The following PARD3B variants were observed in gnomAD, a reference collection of about 807,000 sequenced individuals.
The protein encoded by PARD3B is partitioning defective 3 homolog B.
PARD3B carries 103 observed loss-of-function variants against 130.2 expected under a neutral mutation model. The observed-to-expected ratio is 0.79, with a 90% CI of 0.67 to 0.93. PARD3B has a LOEUF of 0.93. Ranked by LOEUF, PARD3B falls within the 40% of genes least tolerant of loss-of-function variation. The probability of loss-of-function intolerance (pLI) is 0.00; values close to 1 mark genes in which losing one functional copy is unlikely to be tolerated. For synonymous variants in PARD3B, 583 were observed against 553.2 expected, an observed-to-expected ratio of 1.05 and a Z score of -0.76; for missense variants, 1,609 against 1,499.2, an observed-to-expected ratio of 1.07 and a Z score of -1.21.
chr2:205,165,563 CA>C (rs1364477235), intron 11 of PARD3B, among the ~76,000 whole-genome samples: 2 of 149,868 alleles, frequency 1.3e-5, no homozygotes, highest in African/African-American at 5.1e-5. Context: ...GCTAAAAATA[CA>C]AAAACTAGCC....
chr2:205,454,120 C>T (rs1366056044), intron 20 of PARD3B, among the ~76,000 whole-genome samples: 3 of 152,126 alleles, frequency 2.0e-5, no homozygotes, highest in African/African-American at 7.2e-5. Context: ...GGGCTTTGAC[C>T]TACTTCTCTG....
intron 22 of PARD3B, among the ~76,000 whole-genome samples, chr2:205,556,142 TCA>T (rs2052874149): frequency 6.6e-6 from 1 of 152,162 alleles, no homozygotes; most frequent in Non-Finnish European, 1.5e-5. Context: ...TCCCTCTTCA[TCA>T]CAGAGGCCGG....
intron 3 of PARD3B, among the ~76,000 whole-genome samples, chr2:204,994,385 C>T (rs1226153733): frequency 1.4e-3 from 154 of 108,346 alleles, no homozygotes; most frequent in African/African-American, 4.9e-3. Context: ...TGTAGTTGAG[C>T]GGCTTTGAGT....
chr2:205,252,853 C>CAAA (rs770957813), intron 16 of PARD3B, among the ~76,000 whole-genome samples: 1,527 of 80,404 alleles, frequency 0.019, 54 homozygotes, highest in Non-Finnish European at 0.028. Context: ...CCCCCCCCAC[C>CAAA]AAAAAAAAAA....
At chr2:205,436,982 G>A (rs748445949) in intron 19 of PARD3B, among the ~76,000 whole-genome samples, 5 of 151,960 alleles carry the variant, frequency 3.3e-5, no homozygotes, top group Admixed American at 6.6e-5. Context: ...CCATTCTGAA[G>A]CTGGATCCCC....
intron 15 of PARD3B, among the ~76,000 whole-genome samples, chr2:205,195,554 G>A (rs562222491): frequency 1.2e-4 from 19 of 152,244 alleles, no homozygotes; most frequent in South Asian, 2.1e-4. Context: ...AGGTGATACC[G>A]CAATGGTAAA....
At position 205,552,488 on chromosome 2, in the gene PARD3B, A is replaced by G. The variant is rs574392095; in HGVS notation, c.3181-836A>G. 5.3e-5 allele frequency among the ~76,000 whole-genome samples: 8 copies of G among 152,278 alleles called. No individual in the cohort carries two copies. In the South Asian group the frequency reaches 1.7e-3, roughly 32 times the overall value. On this transcript the variant is annotated intron_variant, in intron 21 of 22. Coordinates refer to ENST00000406610, the MANE Select transcript of PARD3B (RefSeq NM_001302769.2). ...CAGTGGCGTGATGTGGGCTCACTGCAACCTCTGCCTCCCGGGTTCAAGTGA... is the reference window on the plus strand; with the variant it reads ...CAGTGGCGTGATGTGGGCTCACTGCGACCTCTGCCTCCCGGGTTCAAGTGA...
chr2:205,094,826 C>T (rs191340393), intron 4 of PARD3B, among the ~76,000 whole-genome samples: 2 of 152,146 alleles, frequency 1.3e-5, no homozygotes, highest in East Asian at 3.9e-4. Flanking sequence ...TTTACTAGAG[C>T]CAAATTTGAT....
intron 21 of PARD3B, among the ~76,000 whole-genome samples, chr2:205,544,294 A>G (rs1434390768): frequency 6.6e-6 from 1 of 150,728 alleles, no homozygotes; most frequent in Non-Finnish European, 1.5e-5. Flanking sequence ...TTTTTCAAGT[A>G]TGAGTTTACT....
chr2:205,419,982 T>G (rs1296076515), intron 19 of PARD3B, among the ~76,000 whole-genome samples: 2 of 152,192 alleles, frequency 1.3e-5, no homozygotes, highest in Non-Finnish European at 2.9e-5. Context: ...TTCGAAAGAT[T>G]TGCGGCCAAG....
At chr2:205,607,854 A>ACACG (rs1231984009) in intron 22 of PARD3B, among the ~76,000 whole-genome samples, 1 of 151,354 alleles carries the variant, frequency 6.6e-6, no homozygotes, top group African/African-American at 2.4e-5. Context: ...ACACACACAC[A>ACACG]CACACACACA....
At chr2:205,489,749 A>T (rs906408794) in intron 20 of PARD3B, among the ~76,000 whole-genome samples, 2 of 152,074 alleles carry the variant, frequency 1.3e-5, no homozygotes, top group Non-Finnish European at 2.9e-5. Flanking sequence ...CTGGCTTATT[A>T]TGGTGAACTG....
At chr2:205,074,273 A>G (rs1454328030) in intron 4 of PARD3B, among the ~76,000 whole-genome samples, 1 of 152,206 alleles carries the variant, frequency 6.6e-6, no homozygotes, top group Non-Finnish European at 1.5e-5. Context: ...AACTTTTGAA[A>G]AGACTATTGT....
chr2:205,250,439 G>A (rs750958576), intron 16 of PARD3B, among the ~76,000 whole-genome samples: 1 of 152,038 alleles, frequency 6.6e-6, no homozygotes, highest in East Asian at 1.9e-4. Flanking sequence ...TCAAACACCT[G>A]TCCATATAGC....
At chr2:205,355,124 T>C (rs2044144376) in intron 18 of PARD3B, among the ~76,000 whole-genome samples, 1 of 152,134 alleles carries the variant, frequency 6.6e-6, no homozygotes, top group Non-Finnish European at 1.5e-5. Context: ...GAAGGGCCCA[T>C]AGAAGTGCTC....
At chr2:205,227,184 C>G (rs1221794226) in intron 15 of PARD3B, among the ~76,000 whole-genome samples, 1 of 151,982 alleles carries the variant, frequency 6.6e-6, no homozygotes, top group South Asian at 2.1e-4. Flanking sequence ...CTATGAACAT[C>G]TATTTAGTCC....
At chr2:204,764,712 A>ATGTGTGTGTG (rs1387737555) in intron 2 of PARD3B, among the ~76,000 whole-genome samples, 23 of 43,078 alleles carry the variant, frequency 5.3e-4, no homozygotes, top group African/African-American at 1.3e-3. Context: ...TCTGGCATGC[A>ATGTGTGTGTG]TGCGTGTGTG....
intron 1 of PARD3B, among the ~76,000 whole-genome samples, chr2:204,547,427 A>G (rs1467195830): frequency 6.6e-6 from 1 of 152,202 alleles, no homozygotes; most frequent in Non-Finnish European, 1.5e-5. Flanking sequence ...GAGGGAAAAA[A>G]TTAAAGTGGT....
chr2:204,622,147 TTAGA>T (rs1044341541), intron 1 of PARD3B, among the ~76,000 whole-genome samples: 2 of 152,194 alleles, frequency 1.3e-5, no homozygotes, highest in African/African-American at 4.8e-5. Context: ...ACCTTTCTAA[TTAGA>T]TAGACAGGAC....
Sources: allele counts gnomAD v4.1 joint callset (sites outside exome capture counted in the v4.1 genomes callset), GRCh38; gene constraint gnomAD v4.1.1; transcripts MANE v1.5; gene names NCBI Gene and HGNC (gene_info 2026-07-23, HGNC 2026-07-21).